Variants in ACY3 observed in about 807,000 individuals in gnomAD.
The protein encoded by ACY3 is N-acyl-aromatic-L-amino acid amidohydrolase (carboxylate-forming).
A neutral mutation model predicts 24.6 loss-of-function variants in ACY3; 20 were observed. The ratio of observed to expected loss-of-function variants is 0.81; its 90% CI spans 0.57 to 1.18. ACY3 has a LOEUF of 1.18. Among genes scored for constraint, ACY3 ranks in the 50% most tolerant of loss-of-function variants. ACY3 has a pLI of 0.00. For synonymous variants in ACY3, 174 were observed against 188.4 expected (o/e 0.92, Z 0.62); for missense variants, 423 against 426.8 (o/e 0.99, Z 0.08).
chr11:67,645,579 G>C, intron 4 of ACY3, 113 bp downstream of exon 4: 3 of 1,367,850 alleles, frequency 2.2e-6, no homozygotes, highest in Non-Finnish European at 2.9e-6. Context: ...GAGCCCAGGG[G>C]AAACTAGGCC....
At chr11:67,646,013 AGAC>A (rs1277153503) in intron 3 of ACY3, 126 bp from the exon 4 acceptor site, 3 of 937,704 alleles carry the variant, frequency 3.2e-6, no homozygotes, top group Admixed American at 6.0e-5. Flanking sequence ...CTTTCCCTTC[AGAC>A]GTTGTGGCTG....
chr11:67,650,380 G>C (rs1855604986), intron 1 of ACY3, among the ~76,000 whole-genome samples: 1 of 152,168 alleles, frequency 6.6e-6, no homozygotes, highest in African/African-American at 2.4e-5. Context: ...AGCTGTCTAG[G>C]TGTTCTCCTT....
rs552997076 is a variant in ACY3, at chr11:67,649,951, G to A, written c.-95+632C>T. Reference sequence around the variant, plus strand: ...ATGTGTGCGTGTGTGTGTGTTGTGTGCACACGTGTGACCTGGCTCTGGCCC... The same window carrying A: ...ATGTGTGCGTGTGTGTGTGTTGTGTACACACGTGTGACCTGGCTCTGGCCC... On this transcript the variant is annotated intron_variant, in intron 1 of 7. Transcript: ENST00000255082. Among the ~76,000 whole-genome samples, 14 of 152,320 alleles carry A rather than the reference G, an allele frequency of 9.2e-5. No homozygotes were observed. The East Asian group carries it at 2.1e-3, about 23-fold the overall frequency.
chr11:67,648,909 C>T (rs547909119), intron 1 of ACY3, among the ~76,000 whole-genome samples: 5 of 152,210 alleles, frequency 3.3e-5, no homozygotes, highest in South Asian at 4.1e-4. Context: ...CCCAGTGGGC[C>T]GGGGCTCCCT....
chr11:67,645,142 C>G lies in ACY3; in HGVS notation c.537G>C (p.Leu179=). ...SVAKNGLGLE[L]GPQPQGVLRA... ...GCAGCACACCCTGTGGCTGGGGGCC[C>G]AGCTCCAGACCTGGGGACCAGGAAG... Residue 179 remains leucine, a synonymous_variant, in exon 6 of 8, where the codon CTG becomes CTC. Coordinates refer to ENST00000255082, the MANE Select transcript of ACY3 (RefSeq NM_080658.2). 5 of 1,612,448 alleles carry G rather than the reference C, an allele frequency of 3.1e-6. No homozygotes were observed. Among genetic ancestry groups the G allele is most frequent in the Non-Finnish European group, 4.2e-6 (5 of 1,179,434 alleles).
chr11:67,646,677 G>A, intron 3 of ACY3, 131 bp downstream of exon 3: 2 of 895,766 alleles, frequency 2.2e-6, no homozygotes, highest in Non-Finnish European at 1.8e-6. Context: ...TCCCGTGGAG[G>A]AATGGGCCAC....
In ACY3 at chr11:67,645,060, C is replaced by T. The variant is rs200546996; in HGVS notation, c.619G>A (p.Glu207Lys). ...TLVATVLDFI[E>K]LFNQGTAFPA... ...GGGGTCTCACCCTGGTTGAAGAGTTCGATGAAGTCCAGAACTGTGGCCACC... is the reference window on the plus strand; with the variant it reads ...GGGGTCTCACCCTGGTTGAAGAGTTTGATGAAGTCCAGAACTGTGGCCACC... Residue 207 changes from glutamate (E) to lysine (K), a missense_variant, in exon 6 of 8, where the codon GAA (glutamate) becomes AAA (lysine). Physicochemically the swap from Glu to Lys is moderately conservative, Grantham distance 56. Transcript: ENST00000255082. 12 of 1,613,844 alleles carry T rather than the reference C, an allele frequency of 7.4e-6. No homozygotes were observed. The highest frequency in any genetic ancestry group is 5.3e-5 in the African/African-American group (4 of 75,060).
intron 1 of ACY3, among the ~76,000 whole-genome samples, chr11:67,649,814 A>G (rs2250568): frequency 0.075 from 9,883 of 131,172 alleles, 1,074 homozygotes; most frequent in African/African-American, 0.26. Context: ...TATTGTGTGC[A>G]TGTGTGCATG....
At chr11:67,644,663 AC>A (rs1385964731) in intron 7 of ACY3, 96 bp downstream of exon 7, 27 of 1,194,306 alleles carry the variant, frequency 2.3e-5, no homozygotes, top group African/African-American at 3.0e-5. Flanking sequence ...GCTTGGCTGC[AC>A]CCCCTGGGGC....
In ACY3 at chr11:67,645,790, CA is replaced by C. The variant is rs1356834399; in HGVS notation, c.333del (p.Phe111LeufsTer16). 1 of 1,614,030 alleles carries C rather than the reference CA, an allele frequency of 6.2e-7. No homozygotes were observed. Among genetic ancestry groups the C allele is most frequent in the Admixed American group, 1.7e-5 (1 of 60,010 alleles). On this transcript the variant is annotated frameshift_variant, in exon 4 of 8. Coordinates refer to ENST00000255082, the MANE Select transcript of ACY3 (RefSeq NM_080658.2). LOFTEE classifies it high-confidence loss of function. ...GCCGTGGTGTTGTGCAGGTCAAGGA[CA>C]AAGTCAAAGGCCTGGCCCGAGGCCT... The part of the protein sequence containing the change: ...GPKASGQAFD[F>X]VLDLHNTTAN...
At position 67,646,887 on chromosome 11, in the gene ACY3, C is replaced by T. The variant is rs373688915; in HGVS notation, c.157G>A (p.Ala53Thr). ...CAGCCGGATGTGGCTGCCGGGTTGGCCAGCACAGGCACAGCGGAGAAGCTG... is the reference window on the plus strand; with the variant it reads ...CAGCCGGATGTGGCTGCCGGGTTGGTCAGCACAGGCACAGCGGAGAAGCTG... ...RASFSAVPVLANPAATSGCRR... is the reference protein window; with the variant it reads ...RASFSAVPVLTNPAATSGCRR... Residue 53 changes from alanine (A) to threonine (T), a missense_variant, in exon 3 of 8, where the codon GCC becomes ACC. By Grantham distance (58) the Ala-to-Thr change is moderately conservative. Coordinates refer to ENST00000255082, the MANE Select transcript of ACY3 (RefSeq NM_080658.2). The T allele has an allele frequency of 1.3e-4, 203 of 1,612,044 alleles. No homozygotes were observed. Among genetic ancestry groups the T allele is most frequent in the Admixed American group, 2.0e-4 (12 of 59,912 alleles).
chr11:67,648,085 T>A lies in ACY3; in HGVS notation c.-94-496A>T, dbSNP rs576952877. Among the ~76,000 whole-genome samples, 17 of 152,372 alleles carry A rather than the reference T, an allele frequency of 1.1e-4. 1 individual carries two copies. In the South Asian group the frequency reaches 3.5e-3, roughly 32 times the overall value. On this transcript the variant is annotated intron_variant, in intron 1 of 7. Transcript: ENST00000255082. ...CTCTTTGTTGCTTTAAGCAAAATTTTAAAATGTTTGATCCGGGATTTCAGT... is the reference window on the plus strand; with the variant it reads ...CTCTTTGTTGCTTTAAGCAAAATTTAAAAATGTTTGATCCGGGATTTCAGT...
intron 3 of ACY3, 27 bp from the exon 4 acceptor site, chr11:67,645,914 G>A (rs368992785): frequency 3.2e-6 from 5 of 1,558,670 alleles, no homozygotes; most frequent in Non-Finnish European, 2.6e-6. Context: ...GGGGGACACC[G>A]ATCTTCACAG....
chr11:67,645,371 G>A lies in ACY3; in HGVS notation c.442C>T (p.Pro148Ser). ...HLCRHLQLQY[P>S]ELSCQVFLYQ... The stretch of plus-strand genomic sequence containing the variant: ...AGGAAGACCTGGCAGGACAGCTCGG[G>A]GTACTGCAGCTGGGGGCGAGAGAGG... Residue 148 changes from proline to serine, a missense_variant, in exon 5 of 8, where the codon CCC becomes TCC. Transcript: ENST00000255082. The A allele has an allele frequency of 6.2e-7, 1 of 1,613,414 alleles. No individual in the cohort carries two copies. Among genetic ancestry groups the A allele is most frequent in the African/African-American group, 1.3e-5 (1 of 75,048 alleles).
chr11:67,642,675 G>A lies in ACY3; in HGVS notation c.*49C>T, dbSNP rs367629312. 1.4e-4 allele frequency: 218 copies of A among 1,574,686 alleles called. No homozygotes were observed. The highest frequency in any genetic ancestry group is 1.7e-4 in the Non-Finnish European group (198 of 1,144,568). ...CTCTGTGCTCAGAGCTGTGCCTCAG[G>A]ACCCATCGTTCAGATGGGAAGACTG... On this transcript the variant is annotated 3_prime_UTR_variant, in exon 8 of 8. Coordinates refer to ENST00000255082, the MANE Select transcript of ACY3 (RefSeq NM_080658.2).
At position 67,645,845 on chromosome 11, in the gene ACY3, G is replaced by GT; in HGVS notation, c.278_279insA (p.Arg94ProfsTer17). The GT allele has an allele frequency of 6.2e-7, 1 of 1,613,220 alleles. No individual in the cohort carries two copies. Among genetic ancestry groups the GT allele is most frequent in the South Asian group, 1.1e-5 (1 of 91,032 alleles). ...GCCCCAGCAGCTGGTTCAGCTCTCG[G>GT]GCTCTTGTCACCTCATATGGGTCGT... On this transcript the variant is annotated frameshift_variant, in exon 4 of 8. Transcript: ENST00000255082. LOFTEE classifies it high-confidence loss of function.
In ACY3 at chr11:67,645,064, G is replaced by A. The variant is rs767267114; in HGVS notation, c.615C>T (p.Phe205=). 1 of 1,613,918 alleles carries A rather than the reference G, an allele frequency of 6.2e-7. No individual in the cohort carries two copies. The highest frequency in any genetic ancestry group is 8.5e-7 in the Non-Finnish European group (1 of 1,179,978). ...TCTCACCCTGGTTGAAGAGTTCGAT[G>A]AAGTCCAGAACTGTGGCCACCAGGG... is the stretch of plus-strand genomic sequence containing the variant. ...MRTLVATVLD[F]IELFNQGTAF... Residue 205 remains phenylalanine, a synonymous_variant, in exon 6 of 8, where the codon TTC becomes TTT. Coordinates refer to ENST00000255082, the MANE Select transcript of ACY3 (RefSeq NM_080658.2).
In ACY3 at chr11:67,647,000, G is replaced by C. The variant is rs1195817833; in HGVS notation, c.44C>G (p.Ala15Gly). 1.3e-6 allele frequency: 2 copies of C among 1,556,974 alleles called. No individual in the cohort carries two copies. The highest frequency in any genetic ancestry group is 2.7e-5 in the African/African-American group (2 of 73,770). Reference protein sequence around the residue: ...PVPREPLRRVAVTGGTHGNEM... With the variant: ...PVPREPLRRVGVTGGTHGNEM... ...GTTGCCATGCGTGCCCCCAGTCACA[G>C]CCACGCGACGCAGGGGCTCCCGGGG... Residue 15 changes from alanine (A) to glycine (G), a missense_variant, in exon 3 of 8, where the codon GCT becomes GGT. Ala to Gly is a moderately conservative substitution (Grantham distance 60). Transcript: ENST00000255082.
intron 1 of ACY3, among the ~76,000 whole-genome samples, chr11:67,648,533 C>T (rs925126927): frequency 6.6e-6 from 1 of 152,162 alleles, no homozygotes; most frequent in Non-Finnish European, 1.5e-5. Context: ...AGCTGCTCCG[C>T]CAGGGCCTGC....
Sources: allele counts gnomAD v4.1 joint callset (sites outside exome capture counted in the v4.1 genomes callset), GRCh38; gene constraint gnomAD v4.1.1; transcripts MANE v1.5; gene names NCBI Gene and HGNC (gene_info 2026-07-23, HGNC 2026-07-21).